The following ZNF804B variants were observed in gnomAD, a reference collection of about 807,000 sequenced individuals.
ZNF804B encodes zinc finger 804B.
A neutral mutation model predicts 101.4 loss-of-function variants in ZNF804B; 80 were observed. The observed-to-expected ratio is 0.79, with a 90% CI of 0.66 to 0.95. The LOEUF is 0.95. Ranked by LOEUF, ZNF804B falls within the 40% of genes least tolerant of loss-of-function variation. The pLI is 0.00. For missense variants in ZNF804B, 1,673 were observed against 1,561.9 expected (o/e 1.07, Z -1.20); for synonymous variants, 622 against 558.8 (o/e 1.11, Z -1.59).
At chr7:88,997,703 AT>A (rs1180052201) in intron 1 of ZNF804B, among the ~76,000 whole-genome samples, 17 of 151,966 alleles carry the variant, frequency 1.1e-4, no homozygotes, top group Non-Finnish European at 2.1e-4. Context: ...TGTGGTACTA[AT>A]TTTTGCTTTA....
At chr7:88,839,974 G>C (rs1457276873) in intron 1 of ZNF804B, among the ~76,000 whole-genome samples, 2 of 152,100 alleles carry the variant, frequency 1.3e-5, no homozygotes, top group South Asian at 2.1e-4. Context: ...CATTAGAAGA[G>C]AGTTTGCAAA....
chr7:88,894,570 TA>T (rs1792259778), intron 1 of ZNF804B, among the ~76,000 whole-genome samples: 1 of 152,122 alleles, frequency 6.6e-6, no homozygotes, highest in Non-Finnish European at 1.5e-5. Context: ...AACCATCAGA[TA>T]ACAATTTTAT....
At position 88,866,993 on chromosome 7, in the gene ZNF804B, A is replaced by G. The variant is rs190780717; in HGVS notation, c.108+106909A>G. ...ATAGAATGCATTATAAGATGGGCAC[A>G]ACAGAATTGTGTGCATTGCTTTGTG... is the stretch of plus-strand genomic sequence containing the variant. On this transcript the variant is annotated intron_variant, in intron 1 of 3. Transcript: ENST00000333190. Among the ~76,000 whole-genome samples, 508 of 152,306 alleles carry G rather than the reference A, an allele frequency of 3.3e-3. 2 individuals carry two copies. The highest frequency in any genetic ancestry group is 4.9e-3 in the Non-Finnish European group (331 of 68,020).
At chr7:89,120,397 C>G (rs1025953549) in intron 1 of ZNF804B, among the ~76,000 whole-genome samples, 3 of 152,080 alleles carry the variant, frequency 2.0e-5, no homozygotes, top group Admixed American at 6.6e-5. Flanking sequence ...GTGGCTCACG[C>G]GTGTAATCCC....
chr7:89,033,386 A>G (rs1454893899), intron 1 of ZNF804B, among the ~76,000 whole-genome samples: 2 of 152,174 alleles, frequency 1.3e-5, no homozygotes. Context: ...GGTTGATTTC[A>G]TGACTTGGTT....
intron 1 of ZNF804B, among the ~76,000 whole-genome samples, chr7:88,896,254 C>T (rs1792283767): frequency 6.6e-6 from 1 of 152,124 alleles, no homozygotes; most frequent in Non-Finnish European, 1.5e-5. Flanking sequence ...AAGATGGATT[C>T]ATTAGCTGTT....
chr7:88,865,684 T>TG (rs1791716396), intron 1 of ZNF804B, among the ~76,000 whole-genome samples: 1 of 152,228 alleles, frequency 6.6e-6, no homozygotes, highest in Non-Finnish European at 1.5e-5. Context: ...GCCTCACCCT[T>TG]GACACACCAT....
rs34619990 is a variant in ZNF804B at position 88,780,386 on chromosome 7, C to CTTTTT, written c.108+20318_108+20322dup. ...AAATTAATGGTAAATACTTTTTTGT[C>CTTTTT]TTTTTTTTTTTTTTTTTTTTGAGAG... is the stretch of plus-strand genomic sequence containing the variant. On this transcript the variant is annotated intron_variant, in intron 1 of 3. Coordinates refer to ENST00000333190, the MANE Select transcript of ZNF804B (RefSeq NM_181646.5). 4.5e-5 allele frequency among the ~76,000 whole-genome samples: 5 copies of CTTTTT among 111,182 alleles called. 1 individual carries two copies. Among genetic ancestry groups the CTTTTT allele is most frequent in the African/African-American group, 1.0e-4 (3 of 28,576 alleles). The allele number at this position is 111,182 out of a possible 152,430, so 72.9% of individuals were successfully genotyped here. A position where few individuals can be genotyped will look rare whatever the true frequency, so the allele number is the denominator to read the frequency against.
chr7:89,001,911 CATGTT>C (rs1186705087), intron 1 of ZNF804B, among the ~76,000 whole-genome samples: 4 of 151,436 alleles, frequency 2.6e-5, no homozygotes, highest in African/African-American at 9.7e-5. Context: ...TTAAAAGCAT[CATGTT>C]ATACAGAATA....
intron 2 of ZNF804B, among the ~76,000 whole-genome samples, chr7:89,269,054 T>A (rs2115832959): frequency 6.6e-6 from 1 of 152,208 alleles, no homozygotes; most frequent in South Asian, 2.1e-4. Flanking sequence ...TTTTTTCAAA[T>A]TAACATGTTT....
At chr7:88,775,496 C>T (rs1790128317) in intron 1 of ZNF804B, among the ~76,000 whole-genome samples, 1 of 152,190 alleles carries the variant, frequency 6.6e-6, no homozygotes, top group South Asian at 2.1e-4. Context: ...CCAACAGAAG[C>T]TTTTCTACTT....
intron 1 of ZNF804B, among the ~76,000 whole-genome samples, chr7:88,926,759 G>A (rs1431722757): frequency 6.6e-6 from 1 of 152,012 alleles, no homozygotes; most frequent in East Asian, 1.9e-4. Flanking sequence ...ACCCAACATT[G>A]AAACATACAT....
intron 1 of ZNF804B, among the ~76,000 whole-genome samples, chr7:88,848,820 A>G (rs573249499): frequency 3.3e-5 from 5 of 152,174 alleles, no homozygotes; most frequent in African/African-American, 7.2e-5. Context: ...ATGAGGCAGG[A>G]AAGTTTAACA....
intron 1 of ZNF804B, among the ~76,000 whole-genome samples, chr7:89,099,622 G>T (rs993589544): frequency 6.6e-6 from 1 of 152,160 alleles, no homozygotes; most frequent in Non-Finnish European, 1.5e-5. Context: ...TGGTGATCAA[G>T]AGTTCAAAAG....
intron 2 of ZNF804B, among the ~76,000 whole-genome samples, chr7:89,284,622 C>T (rs562373767): frequency 1.3e-5 from 2 of 152,230 alleles, no homozygotes; most frequent in Non-Finnish European, 1.5e-5. Context: ...TGTGAACTAC[C>T]ATTTTTATCT....
intron 2 of ZNF804B, among the ~76,000 whole-genome samples, chr7:89,265,298 GTGCGCGCGCGCACACATGCA>G (rs1562931382): frequency 1.2e-5 from 1 of 84,292 alleles, no homozygotes; most frequent in Non-Finnish European, 2.8e-5. Context: ...GTGTGTGCGC[GTGCGCGCGCGCACACATGCA>G]CGTGCACAGG....
intron 1 of ZNF804B, among the ~76,000 whole-genome samples, chr7:88,937,942 G>T (rs1371206099): frequency 6.6e-6 from 1 of 152,092 alleles, no homozygotes; most frequent in Non-Finnish European, 1.5e-5. Context: ...AGCCAAATAT[G>T]GGTGACCGTG....
At chr7:89,140,194 T>C (rs1157493695) in intron 1 of ZNF804B, among the ~76,000 whole-genome samples, 1 of 152,012 alleles carries the variant, frequency 6.6e-6, no homozygotes, top group African/African-American at 2.4e-5. Context: ...ACTTAAAATA[T>C]ATAAAACCAT....
At chr7:88,790,345 T>G (rs970750707) in intron 1 of ZNF804B, among the ~76,000 whole-genome samples, 3 of 152,062 alleles carry the variant, frequency 2.0e-5, no homozygotes, top group Non-Finnish European at 4.4e-5. Flanking sequence ...TATGCCATGG[T>G]GGTTTGCTGC....
Sources: allele counts gnomAD v4.1 joint callset (sites outside exome capture counted in the v4.1 genomes callset), GRCh38; gene constraint gnomAD v4.1.1; transcripts MANE v1.5; gene names NCBI Gene and HGNC (gene_info 2026-07-23, HGNC 2026-07-21).